The following TEX29 variants were observed in gnomAD, a reference collection of about 807,000 sequenced individuals.
The protein encoded by TEX29 is testis-expressed protein 29.
In TEX29, 26 loss-of-function variants were observed where a neutral mutation model predicts 18.2. That is an observed-to-expected ratio of 1.43 (90% CI 1.04 to 1.98). TEX29 has a LOEUF of 1.98. Ranked by LOEUF, TEX29 falls within the 30% of genes most tolerant of loss-of-function variation. TEX29 has a pLI of 0.00. For missense variants in TEX29, 177 were observed against 194.2 expected (o/e 0.91, Z 0.53); for synonymous variants, 83 against 78.5 (o/e 1.06, Z -0.31).
intron 2 of TEX29, among the ~76,000 whole-genome samples, chr13:111,326,330 C>T (rs1412372520): frequency 9.4e-4 from 30 of 31,994 alleles, no homozygotes; most frequent in African/African-American, 2.8e-3. Context: ...GTGGAGACTG[C>T]GGGCAACGCG....
chr13:111,343,480 G>A (rs1019927161), intron 5 of TEX29, among the ~76,000 whole-genome samples: 65 of 152,178 alleles, frequency 4.3e-4, no homozygotes, highest in Admixed American at 4.1e-3. Flanking sequence ...CGTGGTGGTC[G>A]TGGTTGGAGA....
chr13:111,328,055 T>C (rs2093676896), intron 2 of TEX29, 128 bp from the exon 3 acceptor site: 3 of 617,000 alleles, frequency 4.9e-6, no homozygotes, highest in Non-Finnish European at 8.8e-6. Context: ...GGATGCGTAA[T>C]TGAGAAAATA....
At chr13:111,330,157 A>G (rs534110009) in intron 3 of TEX29, among the ~76,000 whole-genome samples, 1 of 152,336 alleles carries the variant, frequency 6.6e-6, no homozygotes, top group East Asian at 1.9e-4. Context: ...ACTCATTTTC[A>G]GGCTACACTG....
At chr13:111,323,387 C>G (rs1398547705) in intron 2 of TEX29, among the ~76,000 whole-genome samples, 3 of 152,250 alleles carry the variant, frequency 2.0e-5, no homozygotes, top group Non-Finnish European at 4.4e-5. Context: ...GCTGGAGGCT[C>G]TGCCTTACTG....
At chr13:111,334,580 T>C (rs1424996592) in intron 3 of TEX29, among the ~76,000 whole-genome samples, 4 of 152,252 alleles carry the variant, frequency 2.6e-5, no homozygotes, top group African/African-American at 9.6e-5. Context: ...GCCCTCTAGA[T>C]TCCCAGGAAT....
intron 2 of TEX29, 42 bp downstream of exon 2, chr13:111,320,990 G>A (rs1848872885): frequency 1.2e-5 from 5 of 404,298 alleles, no homozygotes; most frequent in African/African-American, 2.6e-5. Context: ...GGGTGGGGGA[G>A]CAGTTGGGGG....
At chr13:111,327,231 C>G (rs558581428) in intron 2 of TEX29, among the ~76,000 whole-genome samples, 16 of 152,348 alleles carry the variant, frequency 1.1e-4, no homozygotes, top group African/African-American at 3.8e-4. Context: ...ATGCTTCTGA[C>G]AGAGGATGAG....
intron 2 of TEX29, among the ~76,000 whole-genome samples, chr13:111,327,749 C>T (rs186551260): frequency 6.6e-6 from 1 of 152,332 alleles, no homozygotes; most frequent in African/African-American, 2.4e-5. Context: ...AACTTTCTGT[C>T]CTTTTGATTC....
upstream of TEX29, among the ~76,000 whole-genome samples, chr13:111,320,123 C>T (rs374172389): frequency 2.0e-5 from 3 of 152,344 alleles, no homozygotes; most frequent in East Asian, 5.8e-4. Flanking sequence ...CCCAGACACA[C>T]CTTCCTCCCT....
chr13:111,317,516 T>C (rs2093656512), upstream of TEX29, among the ~76,000 whole-genome samples: 1 of 152,184 alleles, frequency 6.6e-6, no homozygotes, highest in Admixed American at 6.5e-5. Context: ...GGCGTGCTCC[T>C]CCGGCCTTCG....
chr13:111,339,468 A>G (rs1457423399), intron 3 of TEX29: 1 of 396,932 alleles, frequency 2.5e-6, no homozygotes, highest in African/African-American at 2.2e-5. Flanking sequence ...TCTCAGCACA[A>G]CCCCGTGGGT....
intron 5 of TEX29, 73 bp downstream of exon 5, chr13:111,343,004 G>T: frequency 6.5e-7 from 1 of 1,539,558 alleles, no homozygotes. Context: ...GACCTTCCCT[G>T]GGAAGGGGCT....
intron 3 of TEX29, among the ~76,000 whole-genome samples, chr13:111,329,899 T>G (rs538710834): frequency 6.6e-6 from 1 of 152,156 alleles, no homozygotes; most frequent in Non-Finnish European, 1.5e-5. Context: ...TGGTTCTCTA[T>G]GCTTGGTCTA....
At chr13:111,340,188 G>C (rs1183188397) in intron 4 of TEX29, among the ~76,000 whole-genome samples, 2 of 145,038 alleles carry the variant, frequency 1.4e-5, no homozygotes, top group Admixed American at 1.4e-4. Flanking sequence ...CATAACCCAT[G>C]TTTAGTGAGC....
chr13:111,342,766 G>A lies in TEX29; in HGVS notation c.250G>A (p.Glu84Lys), dbSNP rs2093698661. 6.2e-7 allele frequency: 1 copy of A among 1,613,844 alleles called. No individual in the cohort carries two copies. Among genetic ancestry groups the A allele is most frequent in the Non-Finnish European group, 8.5e-7 (1 of 1,179,998 alleles). ...VITIIYRVIQ[E>K]SRKEKAIPVD... ...CCCTCTTCCCATCAGAGTCATTCAGGAGAGCAGGAAAGAAAAGGCCATCCC... is the reference window on the plus strand; with the variant it reads ...CCCTCTTCCCATCAGAGTCATTCAGAAGAGCAGGAAAGAAAAGGCCATCCC... The change falls in exon 5 of 6, where the codon GAG (glutamate) becomes AAG (lysine). Residue 84 changes from glutamate to lysine, a missense_variant. Glu to Lys is a moderately conservative substitution (Grantham distance 56). Transcript: ENST00000283547.
chr13:111,323,030 A>G (rs1024713686), intron 2 of TEX29, among the ~76,000 whole-genome samples: 1 of 152,162 alleles, frequency 6.6e-6, no homozygotes, highest in African/African-American at 2.4e-5. Flanking sequence ...TCTCTGCGCA[A>G]CTTTGCAGAT....
chr13:111,321,004 G>GGGCC, intron 2 of TEX29, 56 bp downstream of exon 2: 1 of 545,394 alleles, frequency 1.8e-6, no homozygotes, highest in Non-Finnish European at 3.5e-6. Context: ...TTGGGGGGGG[G>GGGCC]CACAGGGAGG....
chr13:111,336,224 G>GGTTTCTTTCGGGCCT (rs1225484787), intron 3 of TEX29, among the ~76,000 whole-genome samples: 1 of 152,200 alleles, frequency 6.6e-6, no homozygotes, highest in Non-Finnish European at 1.5e-5. Context: ...CTTGACTCCT[G>GGTTTCTTTCGGGCCT]GTTTCTTTCG....
At chr13:111,319,569 G>A (rs2093660382), upstream of TEX29, among the ~76,000 whole-genome samples, 1 of 151,996 alleles carries the variant, frequency 6.6e-6, no homozygotes, top group Non-Finnish European at 1.5e-5. Context: ...CAGCGTCCTC[G>A]GCTCACCATT....
Sources: gnomAD v4.1 joint callset for allele counts (sites outside exome capture counted in the v4.1 genomes callset) on GRCh38, gnomAD v4.1.1 for gene constraint, MANE v1.5 for transcripts, NCBI Gene and HGNC (gene_info 2026-07-23, HGNC 2026-07-21) for gene names.